TANC2: variants seen among roughly 807,000 people sequenced by gnomAD.
The protein encoded by TANC2 is protein TANC2.
Under a neutral mutation model 210.5 loss-of-function variants are expected in TANC2, and 26 were observed. That is an observed-to-expected ratio of 0.12 (90% CI 0.09 to 0.17). The LOEUF is 0.17. Ranked by LOEUF, TANC2 falls within the 10% of genes least tolerant of loss-of-function variation. The pLI is 1.00. For synonymous variants in TANC2, 931 were observed against 967.1 expected (o/e 0.96, Z 0.69); for missense variants, 2,129 against 2,608.9 (o/e 0.82, Z 4.01).
At chr17:63,394,925 T>G (rs2048105489) in intron 17 of TANC2, among the ~76,000 whole-genome samples, 1 of 152,212 alleles carries the variant, frequency 6.6e-6, no homozygotes, top group East Asian at 1.9e-4. Flanking sequence ...CTGTATTCAG[T>G]AAATATTCAC....
At chr17:63,071,211 A>C (rs2036384746) in intron 2 of TANC2, among the ~76,000 whole-genome samples, 6 of 152,176 alleles carry the variant, frequency 3.9e-5, no homozygotes, top group Admixed American at 3.9e-4. Context: ...TGTGGGGAAT[A>C]GATGCATGAT....
At chr17:63,019,261 A>G (rs2034246667) in intron 2 of TANC2, among the ~76,000 whole-genome samples, 1 of 152,134 alleles carries the variant, frequency 6.6e-6, no homozygotes, top group Non-Finnish European at 1.5e-5. Flanking sequence ...TCTGTCACTC[A>G]GGCTGGCATG....
intron 5 of TANC2, among the ~76,000 whole-genome samples, chr17:63,183,318 A>T (rs546898649): frequency 6.6e-6 from 1 of 152,254 alleles, no homozygotes; most frequent in Non-Finnish European, 1.5e-5. Context: ...TGAAGTTAAC[A>T]TTGCCAGCAT....
intron 17 of TANC2, chr17:63,390,862 A>T (rs1172703924): frequency 6.6e-6 from 1 of 151,844 alleles, no homozygotes; most frequent in Non-Finnish European, 1.5e-5. Flanking sequence ...TTCATCTTTC[A>T]TTGTTTTCCC....
At chr17:63,039,615 C>T (rs574487044) in intron 2 of TANC2, among the ~76,000 whole-genome samples, 6 of 152,190 alleles carry the variant, frequency 3.9e-5, no homozygotes, top group Non-Finnish European at 7.4e-5. Flanking sequence ...TGGTGCAGCA[C>T]GTACAGGGCT....
chr17:62,987,698 C>T (rs1056745168), intron 1 of TANC2, among the ~76,000 whole-genome samples: 5 of 152,138 alleles, frequency 3.3e-5, no homozygotes, highest in African/African-American at 9.7e-5. Context: ...CCAGTCACAA[C>T]GGGTGCATCT....
chr17:62,994,147 G>T (rs575979145), intron 1 of TANC2, among the ~76,000 whole-genome samples: 1 of 151,942 alleles, frequency 6.6e-6, no homozygotes, highest in African/African-American at 2.4e-5. Flanking sequence ...AGAACTTCAA[G>T]TACAATGGTG....
At chr17:63,298,697 A>T (rs1296353323) in intron 9 of TANC2, among the ~76,000 whole-genome samples, 1 of 152,140 alleles carries the variant, frequency 6.6e-6, no homozygotes, top group African/African-American at 2.4e-5. Flanking sequence ...CTTGATTTTA[A>T]AAAACTTATG....
At chr17:63,066,568 T>C (rs2036205587) in intron 2 of TANC2, among the ~76,000 whole-genome samples, 1 of 152,112 alleles carries the variant, frequency 6.6e-6, no homozygotes, top group Non-Finnish European at 1.5e-5. Flanking sequence ...ACTCAGAATA[T>C]GCCAAATGCT....
chr17:62,971,317 G>A (rs1383275766), intron 1 of TANC2, among the ~76,000 whole-genome samples: 1 of 152,126 alleles, frequency 6.6e-6, no homozygotes, highest in African/African-American at 2.4e-5. Flanking sequence ...GTCTCCTGCT[G>A]CCCTTCGCTT....
At chr17:63,329,465 A>G (rs931485095) in intron 11 of TANC2, among the ~76,000 whole-genome samples, 4 of 152,224 alleles carry the variant, frequency 2.6e-5, no homozygotes, top group African/African-American at 9.6e-5. Flanking sequence ...ATTTTAAAAC[A>G]TGACAATTTA....
intron 3 of TANC2, among the ~76,000 whole-genome samples, chr17:63,087,156 C>T (rs568229675): frequency 2.0e-5 from 3 of 152,214 alleles, no homozygotes; most frequent in African/African-American, 2.4e-5. Flanking sequence ...GAACCAAATC[C>T]GGACACACTG....
intron 5 of TANC2, chr17:63,153,730 A>G (rs1045633924): frequency 2.6e-5 from 4 of 152,180 alleles, no homozygotes; most frequent in African/African-American, 9.7e-5. Flanking sequence ...TTCTACCACT[A>G]TTGATATCTG....
At chr17:63,300,051 ATTGT>A (rs2044662525) in intron 9 of TANC2, among the ~76,000 whole-genome samples, 1 of 151,940 alleles carries the variant, frequency 6.6e-6, no homozygotes, top group Non-Finnish European at 1.5e-5. Context: ...TCCTTTCCCT[ATTGT>A]TTATTTTTGT....
intron 11 of TANC2, among the ~76,000 whole-genome samples, chr17:63,322,589 G>A (rs9902095): frequency 0.23 from 34,630 of 152,156 alleles, 4,032 homozygotes; most frequent in South Asian, 0.31. Flanking sequence ...CAGTTATTCA[G>A]TTTAGATATA....
chr17:63,188,588 A>G (rs1326990841), intron 5 of TANC2, among the ~76,000 whole-genome samples: 3 of 146,338 alleles, frequency 2.1e-5, no homozygotes, highest in Non-Finnish European at 4.5e-5. Flanking sequence ...ACTCTGTCCA[A>G]AAAAAAAAAA....
chr17:63,421,979 C>T lies in TANC2; in HGVS notation c.*24C>T, dbSNP rs148121556. 539 of 1,564,834 alleles carry T rather than the reference C, an allele frequency of 3.4e-4. 7 individuals are homozygous for T. The East Asian group carries it at 8.8e-3, about 26-fold the overall frequency. Reference sequence around the variant, plus strand: ...AAAAGACGTTTTGTTGGAGTGAGACCCATATGTTTTCACTGCACATTTTCA... The same window carrying T: ...AAAAGACGTTTTGTTGGAGTGAGACTCATATGTTTTCACTGCACATTTTCA... On this transcript the variant is annotated 3_prime_UTR_variant, in exon 28 of 28. Coordinates refer to ENST00000689528, the Ensembl canonical transcript of TANC2. The surrounding 1 kb of genome is among the most constrained non-coding windows in gnomAD (Gnocchi z 6.9).
intron 9 of TANC2, among the ~76,000 whole-genome samples, chr17:63,312,831 C>G (rs1026595046): frequency 6.6e-6 from 1 of 152,160 alleles, no homozygotes; most frequent in Non-Finnish European, 1.5e-5. Flanking sequence ...CCCTAACCCC[C>G]CACAACCCCA....
intron 2 of TANC2, among the ~76,000 whole-genome samples, chr17:63,025,826 A>T (rs9894563): frequency 0.014 from 2,056 of 144,542 alleles, 16 homozygotes; most frequent in Middle Eastern, 0.028. Flanking sequence ...TTAAATTAAA[A>T]TAAAATAAAA....
Sources: allele counts gnomAD v4.1 joint callset (sites outside exome capture counted in the v4.1 genomes callset), GRCh38; gene constraint gnomAD v4.1.1; non-coding constraint Gnocchi (gnomAD v3.1); transcripts MANE v1.5; gene names NCBI Gene and HGNC (gene_info 2026-07-23, HGNC 2026-07-21).